Variants in KIF4A observed in about 807,000 individuals in gnomAD.
KIF4A encodes the protein kinesin family member 4A, also known as chromosome-associated kinesin KIF4A.
KIF4A carries 7 observed loss-of-function variants against 105.9 expected under a neutral mutation model. The observed-to-expected ratio is 0.07, with a 90% CI of 0.04 to 0.12. The LOEUF (loss-of-function observed/expected upper bound fraction) is 0.12. KIF4A is among the 10% of genes least tolerant of loss of function. The pLI is 1.00. For missense variants in KIF4A, 558 were observed against 929.2 expected, an observed-to-expected ratio of 0.60 and a Z score of 5.19; for synonymous variants, 281 against 331.3, an observed-to-expected ratio of 0.85 and a Z score of 1.65.
intron 15 of KIF4A, chrX:70,362,077 A>T: frequency 6.1e-6 from 1 of 164,397 alleles, no homozygotes; most frequent in South Asian, 1.2e-4. Context: ...GACAAGCTAC[A>T]TTACTGCTCT....
At chrX:70,338,835 C>T (rs2085961041) in intron 10 of KIF4A, among the ~76,000 whole-genome samples, 1 of 111,402 alleles carries the variant, frequency 9.0e-6, no homozygotes, top group Non-Finnish European at 1.9e-5. Flanking sequence ...CCTGTAACCC[C>T]AGCACTTTGG....
intron 9 of KIF4A, among the ~76,000 whole-genome samples, chrX:70,330,847 G>T (rs973685601): frequency 2.7e-5 from 3 of 112,155 alleles, no homozygotes; most frequent in Admixed American, 1.9e-4. Flanking sequence ...ATAGGAGTTT[G>T]GTCCAACAAA....
At chrX:70,403,699 A>G (rs2086290057) in intron 23 of KIF4A, among the ~76,000 whole-genome samples, 165 bp from the exon 24 acceptor site, 1 of 112,594 alleles carries the variant, frequency 8.9e-6, no homozygotes, top group African/African-American at 3.2e-5. Context: ...TATATTTACT[A>G]TTCAATGTTG....
chrX:70,332,390 C>T (rs918050430), intron 9 of KIF4A, among the ~76,000 whole-genome samples: 2 of 111,526 alleles, frequency 1.8e-5, no homozygotes, highest in African/African-American at 3.3e-5. Flanking sequence ...AAAATGAAGA[C>T]TGGAAAATGC....
rs748935785 is a variant in KIF4A at position 70,356,871 on chromosome X, T to G, written c.1674+3064T>G. 4.5e-5 allele frequency among the ~76,000 whole-genome samples: 5 copies of G among 112,291 alleles called. No homozygotes were observed. In the East Asian group the frequency reaches 1.4e-3, roughly 31 times the overall value. On this transcript the variant is annotated intron_variant, in intron 15 of 30. Coordinates refer to ENST00000374403, the MANE Select transcript of KIF4A (RefSeq NM_012310.5). ...TCACCCTTTTTGTTTAAATGAGTATTTAGTGTTTAAATTTTTCTGATTACA... is the reference window on the plus strand; with the variant it reads ...TCACCCTTTTTGTTTAAATGAGTATGTAGTGTTTAAATTTTTCTGATTACA...
At chrX:70,313,006 A>G (rs1340704687) in intron 7 of KIF4A, among the ~76,000 whole-genome samples, 1 of 111,903 alleles carries the variant, frequency 8.9e-6, no homozygotes, top group Non-Finnish European at 1.9e-5. Flanking sequence ...TATATTTTTA[A>G]AAAGTGTATT....
At position 70,419,782 on chromosome X, in the gene KIF4A, A is replaced by G; in HGVS notation, c.3494A>G (p.Lys1165Arg). 8.3e-7 allele frequency: 1 copy of G among 1,211,254 alleles called. No homozygotes were observed. Among genetic ancestry groups the G allele is most frequent in the Non-Finnish European group, 1.1e-6 (1 of 895,373 alleles). Residue 1165 changes from lysine to arginine, a missense_variant and splice_region_variant, in exon 30 of 31, where the codon AAG (lysine) becomes AGG (arginine). Lys to Arg is a conservative substitution (Grantham distance 26, BLOSUM62 2). Coordinates refer to ENST00000374403, the MANE Select transcript of KIF4A (RefSeq NM_012310.5). ...FNPVCATPNS[K>R]ILKEMCDVEQ... is the part of the protein sequence containing the mutation. ...CCCGTCTGTGCCACCCCCAATAGCA[A>G]GGTAGGTGGGCTAAAAGGCAGGCAT...
chrX:70,316,544 T>C (rs752543170), intron 7 of KIF4A, among the ~76,000 whole-genome samples: 1 of 111,756 alleles, frequency 8.9e-6, no homozygotes, highest in South Asian at 3.7e-4. Context: ...ATACATATTA[T>C]GCATATATGT....
At chrX:70,406,236 C>T (rs746205662) in intron 26 of KIF4A, 23 bp from the exon 27 acceptor site, 1 of 1,167,671 alleles carries the variant, frequency 8.6e-7, no homozygotes, top group Middle Eastern at 2.5e-4. Context: ...GCATTATATA[C>T]TTTGTCTCTT....
chrX:70,334,029 A>G (rs1173706219), intron 10 of KIF4A, among the ~76,000 whole-genome samples: 1 of 111,499 alleles, frequency 9.0e-6, no homozygotes, highest in African/African-American at 3.3e-5. Context: ...TTATTGCTCA[A>G]ATTGTTCCTG....
chrX:70,416,345 CTT>C (rs376059238), intron 28 of KIF4A, among the ~76,000 whole-genome samples: 2,415 of 62,053 alleles, frequency 0.039, 3 homozygotes, highest in Non-Finnish European at 0.056. Flanking sequence ...TCTGCACAGT[CTT>C]TTTTTTTTTT....
intron 28 of KIF4A, among the ~76,000 whole-genome samples, chrX:70,408,413 T>C (rs773532727): frequency 3.1e-4 from 35 of 112,224 alleles, no homozygotes; most frequent in African/African-American, 1.1e-3. Flanking sequence ...ATGCTTTATT[T>C]TCTTATACAA....
Position 70,354,852 on chromosome X carries a change from G to A in KIF4A, c.1674+1045G>A, listed in dbSNP as rs569980141. Among the ~76,000 whole-genome samples, 4 of 112,170 alleles carry A rather than the reference G, an allele frequency of 3.6e-5. No homozygotes were observed. In the South Asian group the frequency reaches 1.1e-3, roughly 31 times the overall value. ...GGGTTCACAGTATTGGCGGGGGCTG[G>A]GAAGTGGGGCCAGGATGAGGAGGAA... On this transcript the variant is annotated intron_variant, in intron 15 of 30. Coordinates refer to ENST00000374403, the MANE Select transcript of KIF4A (RefSeq NM_012310.5).
At chrX:70,307,000 T>A (rs1392908983) in intron 7 of KIF4A, among the ~76,000 whole-genome samples, 1 of 109,057 alleles carries the variant, frequency 9.2e-6, no homozygotes, top group South Asian at 4.0e-4. Context: ...GATTTTTAAT[T>A]TTTTTTTGTA....
intron 28 of KIF4A, 117 bp downstream of exon 28, chrX:70,407,192 C>G (rs371008829): frequency 1.0e-5 from 8 of 796,065 alleles, no homozygotes; most frequent in South Asian, 8.6e-5. Flanking sequence ...ACTGCAACCT[C>G]TGCCTCCCAA....
At position 70,396,025 on chromosome X, in the gene KIF4A, G is replaced by C; in HGVS notation, c.2465G>C (p.Ser822Thr). ...SEDSITKQIE[S>T]LETEMEFRSA... Reference sequence around the variant, plus strand: ...GATTCTATTACAAAGCAGATTGAAAGCCTAGAGACTGAAATGGAATTCAGG... The same window carrying C: ...GATTCTATTACAAAGCAGATTGAAACCCTAGAGACTGAAATGGAATTCAGG... The change falls in exon 22 of 31, where the codon AGC becomes ACC. Residue 822 changes from serine (S) to threonine (T), a missense_variant. Physicochemically the swap from Ser to Thr is moderately conservative, Grantham distance 58 (BLOSUM62 1). Coordinates refer to ENST00000374403, the MANE Select transcript of KIF4A (RefSeq NM_012310.5). The C allele has an allele frequency of 8.4e-7, 1 of 1,196,481 alleles. No homozygotes were observed. The highest frequency in any genetic ancestry group is 1.1e-6 in the Non-Finnish European group (1 of 884,263).
At chrX:70,369,264 A>C (rs996929681) in intron 15 of KIF4A, among the ~76,000 whole-genome samples, 1 of 111,246 alleles carries the variant, frequency 9.0e-6, no homozygotes, top group Non-Finnish European at 1.9e-5. Context: ...TCCTGCACCC[A>C]CTCTCTGACA....
intron 7 of KIF4A, among the ~76,000 whole-genome samples, chrX:70,309,437 G>A (rs1231941703): frequency 9.0e-6 from 1 of 111,073 alleles, no homozygotes; most frequent in African/African-American, 3.3e-5. Context: ...TACATATATT[G>A]CATATGTTTT....
intron 28 of KIF4A, among the ~76,000 whole-genome samples, chrX:70,409,709 A>T (rs775811840): frequency 4.0e-4 from 43 of 108,595 alleles, no homozygotes; most frequent in African/African-American, 1.4e-3. Context: ...AGGCAGGAGA[A>T]TCGCTTGAAC....
Sources: allele counts gnomAD v4.1 joint callset (sites outside exome capture counted in the v4.1 genomes callset), GRCh38; gene constraint gnomAD v4.1.1; transcripts MANE v1.5; gene names NCBI Gene and HGNC (gene_info 2026-07-23, HGNC 2026-07-21).